CDH13: variants seen among roughly 807,000 people sequenced by gnomAD.
The protein encoded by CDH13 is cadherin-13.
Under a neutral mutation model 63.8 loss-of-function variants are expected in CDH13, and 24 were observed. The observed-to-expected ratio is 0.38, with a 90% CI of 0.27 to 0.53. The LOEUF (loss-of-function observed/expected upper bound fraction) is 0.53, where lower values mean the gene tolerates loss of function less well. CDH13 is among the 20% of genes least tolerant of loss of function. The probability of loss-of-function intolerance (pLI) is 0.85; values close to 1 mark genes in which losing one functional copy is unlikely to be tolerated. For synonymous variants in CDH13, 503 were observed against 355.3 expected (o/e 1.42, Z -4.67); for missense variants, 1,049 against 903.1 (o/e 1.16, Z -2.07).
At chr16:83,461,549 C>G (rs1376517185) in intron 6 of CDH13, among the ~76,000 whole-genome samples, 1 of 152,168 alleles carries the variant, frequency 6.6e-6, no homozygotes, top group East Asian at 1.9e-4. Context: ...AATTCATGCA[C>G]AAACAATATT....
At chr16:83,104,517 G>A (rs1383676417) in intron 3 of CDH13, among the ~76,000 whole-genome samples, 1 of 151,942 alleles carries the variant, frequency 6.6e-6, no homozygotes, top group Non-Finnish European at 1.5e-5. Flanking sequence ...AGTAGGTTAA[G>A]GCAACCCTAG....
chr16:82,909,067 A>G (rs557652880), intron 2 of CDH13, among the ~76,000 whole-genome samples: 1 of 152,182 alleles, frequency 6.6e-6, no homozygotes. Flanking sequence ...ACTTTAAATC[A>G]TCTCTAGATT....
chr16:82,780,911 C>G (rs960130901), intron 1 of CDH13, among the ~76,000 whole-genome samples: 22 of 152,166 alleles, frequency 1.4e-4, no homozygotes, highest in African/African-American at 5.1e-4. Context: ...GAGTAGTGTA[C>G]TTTTTCTTGT....
intron 1 of CDH13, among the ~76,000 whole-genome samples, chr16:82,731,611 A>C (rs2151036567): frequency 1.3e-5 from 2 of 152,350 alleles, no homozygotes; most frequent in South Asian, 4.1e-4. Flanking sequence ...TGTTCATTTA[A>C]ATGGAAATGG....
chr16:83,030,866 C>G (rs918663984), intron 2 of CDH13, among the ~76,000 whole-genome samples: 19 of 152,030 alleles, frequency 1.2e-4, no homozygotes, highest in African/African-American at 4.3e-4. Context: ...TAGATCCCCA[C>G]CATTCTAGAT....
chr16:82,790,297 T>A (rs2036235675), intron 1 of CDH13, among the ~76,000 whole-genome samples: 1 of 152,096 alleles, frequency 6.6e-6, no homozygotes, highest in Admixed American at 6.5e-5. Context: ...TAGCTGGGCA[T>A]GGTGGTGTGC....
chr16:82,851,741 C>T (rs753704512), intron 1 of CDH13, among the ~76,000 whole-genome samples: 14 of 152,052 alleles, frequency 9.2e-5, no homozygotes, highest in Non-Finnish European at 1.8e-4. Flanking sequence ...TCCATGCTTT[C>T]CCTGTAGGCA....
At chr16:82,969,194 A>G (rs1908322780) in intron 2 of CDH13, among the ~76,000 whole-genome samples, 1 of 152,204 alleles carries the variant, frequency 6.6e-6, no homozygotes, top group South Asian at 2.1e-4. Flanking sequence ...AAAGGCCAGC[A>G]AACTTTCCTG....
At chr16:83,510,031 T>C (rs912961886) in intron 7 of CDH13, among the ~76,000 whole-genome samples, 1 of 152,168 alleles carries the variant, frequency 6.6e-6, no homozygotes, top group Non-Finnish European at 1.5e-5. Context: ...TTCAGAAGTG[T>C]TTTTGCTTGT....
At chr16:83,635,743 C>T (rs998196958) in intron 8 of CDH13, among the ~76,000 whole-genome samples, 1 of 152,118 alleles carries the variant, frequency 6.6e-6, no homozygotes, top group African/African-American at 2.4e-5. Context: ...ATATTTATCT[C>T]AATCTGTGGC....
At chr16:82,775,447 C>T (rs961006002) in intron 1 of CDH13, among the ~76,000 whole-genome samples, 2 of 152,202 alleles carry the variant, frequency 1.3e-5, no homozygotes, top group Admixed American at 6.5e-5. Flanking sequence ...TGTGGGATCA[C>T]ACTCACCCCA....
At chr16:83,340,113 A>G (rs569624990) in intron 5 of CDH13, among the ~76,000 whole-genome samples, 1 of 152,248 alleles carries the variant, frequency 6.6e-6, no homozygotes, top group Admixed American at 6.5e-5. Flanking sequence ...TTAATAACCA[A>G]TTTCCTTCTA....
chr16:82,692,748 G>C (rs1292760487), intron 1 of CDH13, among the ~76,000 whole-genome samples: 4 of 152,170 alleles, frequency 2.6e-5, no homozygotes, highest in African/African-American at 4.8e-5. Context: ...TATATTCCTA[G>C]TTTCCGTGGA....
intron 8 of CDH13, among the ~76,000 whole-genome samples, chr16:83,647,043 G>A (rs999677342): frequency 1.3e-5 from 2 of 152,076 alleles, no homozygotes; most frequent in African/African-American, 2.4e-5. Context: ...AGGCGCGGTG[G>A]CTCACGCCTG....
chr16:83,242,046 G>A (rs182661699), intron 5 of CDH13, among the ~76,000 whole-genome samples: 3 of 152,110 alleles, frequency 2.0e-5, no homozygotes, highest in Admixed American at 2.0e-4. Flanking sequence ...GTTCAGTTTT[G>A]CTTGTGGATA....
chr16:83,387,511 T>A (rs2091698327), intron 6 of CDH13, among the ~76,000 whole-genome samples: 1 of 152,160 alleles, frequency 6.6e-6, no homozygotes, highest in South Asian at 2.1e-4. Flanking sequence ...TCCTGGACAG[T>A]TAAAAATTTA....
intron 10 of CDH13, among the ~76,000 whole-genome samples, chr16:83,708,232 C>A (rs1203427777): frequency 6.6e-6 from 1 of 152,232 alleles, no homozygotes; most frequent in African/African-American, 2.4e-5. Context: ...CCTTGCAGCA[C>A]AAGCTCCTCT....
chr16:82,664,861 A>G (rs753201291), intron 1 of CDH13, among the ~76,000 whole-genome samples: 1 of 152,236 alleles, frequency 6.6e-6, no homozygotes, highest in Non-Finnish European at 1.5e-5. Context: ...CATTTTGTAC[A>G]TATATATTCT....
intron 5 of CDH13, among the ~76,000 whole-genome samples, chr16:83,229,601 A>T (rs1211001376): frequency 6.6e-6 from 1 of 152,020 alleles, no homozygotes; most frequent in Non-Finnish European, 1.5e-5. Context: ...TATCTGTTTT[A>T]AGATCTTTAT....
Sources: gnomAD v4.1 joint callset for allele counts (sites outside exome capture counted in the v4.1 genomes callset) on GRCh38, gnomAD v4.1.1 for gene constraint, MANE v1.5 for transcripts, NCBI Gene and HGNC (gene_info 2026-07-23, HGNC 2026-07-21) for gene names.